Variants in MRPS35 observed in about 807,000 individuals in gnomAD.
MRPS35 encodes the protein small ribosomal subunit protein mS35.
A neutral mutation model predicts 32.7 loss-of-function variants in MRPS35; 29 were observed. That is an observed-to-expected ratio of 0.89 (90% CI 0.66 to 1.21). The LOEUF (loss-of-function observed/expected upper bound fraction) is 1.21, where lower values mean the gene tolerates loss of function less well. Ranked by LOEUF, MRPS35 falls within the 50% of genes most tolerant of loss-of-function variation. The pLI, the probability that MRPS35 is intolerant of heterozygous loss-of-function variation, is 0.00. For missense variants in MRPS35, 373 were observed against 383.8 expected (o/e 0.97, Z 0.23); for synonymous variants, 148 against 139.3 (o/e 1.06, Z -0.44).
chr12:27,731,614 G>A (rs1190028441), intron 5 of MRPS35, among the ~76,000 whole-genome samples: 1 of 152,034 alleles, frequency 6.6e-6, no homozygotes, highest in Non-Finnish European at 1.5e-5. Context: ...TGTTGCCCAG[G>A]CTGGAGTCCA....
intron 5 of MRPS35, among the ~76,000 whole-genome samples, chr12:27,725,901 G>T (rs1383833809): frequency 6.8e-6 from 1 of 147,666 alleles, no homozygotes; most frequent in Non-Finnish European, 1.5e-5. Context: ...TTCCATCCGG[G>T]CTCAAGTGAT....
chr12:27,726,887 C>T (rs189291742), intron 5 of MRPS35, among the ~76,000 whole-genome samples: 87 of 151,408 alleles, frequency 5.7e-4, no homozygotes, highest in African/African-American at 1.9e-3. Flanking sequence ...AGTCCCAGTC[C>T]CTTCTCAGAT....
At chr12:27,723,600 C>G (rs1436876728) in intron 4 of MRPS35, among the ~76,000 whole-genome samples, 1 of 151,156 alleles carries the variant, frequency 6.6e-6, no homozygotes, top group Non-Finnish European at 1.5e-5. Flanking sequence ...CTTCTTAGGG[C>G]TTTTTGAGAG....
At position 27,737,491 on chromosome 12, in the gene MRPS35, TGTACTGA is replaced by T. The variant is rs778142339; in HGVS notation, c.633-45_633-39del. ...ATTGCATATTTTGCAAATTTTTCTG[TGTACTGA>T]GTTTTTAGAATTTTGACTTCTCCCG... On this transcript the variant is annotated intron_variant, in intron 6 of 7. Transcript: ENST00000081029. The T allele has an allele frequency of 2.0e-6, 3 of 1,481,128 alleles. No homozygotes were observed. The East Asian group carries it at 6.8e-5, about 34-fold the overall frequency. 91.7% of individuals were successfully genotyped at this position (1,481,128 alleles called of 1,614,324 possible).
intron 3 of MRPS35, among the ~76,000 whole-genome samples, 199 bp downstream of exon 3, chr12:27,716,657 T>C (rs1392610510): frequency 6.6e-6 from 1 of 152,210 alleles, no homozygotes; most frequent in Non-Finnish European, 1.5e-5. Context: ...TGATTATCAA[T>C]GGTAAAGAAT....
rs2062020549 is a variant in MRPS35, at chr12:27,755,045, C to T, written c.703-136C>T. ...GCACAGACAAGGTGTTGGCCAGGGC[C>T]TCTCCACATTTTGCAAACTTCTCTT... is the stretch of plus-strand genomic sequence containing the variant. On this transcript the variant is annotated intron_variant, in intron 7 of 7. Transcript: ENST00000081029. 5 of 982,810 alleles carry T rather than the reference C, an allele frequency of 5.1e-6. No homozygotes were observed. In the East Asian group the frequency reaches 1.3e-4, roughly 26 times the overall value. 60.9% of individuals were successfully genotyped at this position (982,810 alleles called of 1,614,324 possible). A position where few individuals can be genotyped will look rare whatever the true frequency, so the allele number is the denominator to read the frequency against.
intron 5 of MRPS35, among the ~76,000 whole-genome samples, chr12:27,726,247 G>C (rs1183233810): frequency 1.3e-5 from 2 of 152,048 alleles, no homozygotes; most frequent in African/African-American, 4.8e-5. Context: ...ATGTGTTACA[G>C]AAATGGAACC....
intron 1 of MRPS35, among the ~76,000 whole-genome samples, chr12:27,713,633 A>C (rs957243960): frequency 6.6e-6 from 1 of 152,120 alleles, no homozygotes; most frequent in African/African-American, 2.4e-5. Flanking sequence ...CTGTGCCCTC[A>C]GCTGATTGGA....
intron 7 of MRPS35, 141 bp from the exon 8 acceptor site, chr12:27,755,040 A>C: frequency 1.1e-6 from 1 of 917,352 alleles, no homozygotes; most frequent in Non-Finnish European, 1.6e-6. Flanking sequence ...GGTGTTGGCC[A>C]GGGCCTCTCC....
chr12:27,752,133 GTC>G (rs1229988702), intron 7 of MRPS35, among the ~76,000 whole-genome samples: 4 of 152,082 alleles, frequency 2.6e-5, no homozygotes, highest in African/African-American at 9.6e-5. Context: ...CTTAGTCATA[GTC>G]CAGCTAATCA....
intron 4 of MRPS35, among the ~76,000 whole-genome samples, chr12:27,720,163 G>A (rs1235595971): frequency 2.0e-5 from 3 of 151,992 alleles, no homozygotes; most frequent in East Asian, 3.9e-4. Flanking sequence ...AGGCCGAGGC[G>A]GGCAGACCAC....
chr12:27,755,606 C>T lies in MRPS35; in HGVS notation c.*156C>T, dbSNP rs1173584619. On this transcript the variant is annotated 3_prime_UTR_variant, in exon 8 of 8. Coordinates refer to ENST00000081029, the MANE Select transcript of MRPS35 (RefSeq NM_021821.4). Reference sequence around the variant, plus strand: ...CTAATGCTTAATGGCAATGATTACTCCAGAGTTTTTTAATTTTTACACTGG... The same window carrying T: ...CTAATGCTTAATGGCAATGATTACTTCAGAGTTTTTTAATTTTTACACTGG... The T allele has an allele frequency of 6.5e-6, 4 of 616,284 alleles. No homozygotes were observed. Among genetic ancestry groups the T allele is most frequent in the Non-Finnish European group, 7.4e-6 (3 of 402,744 alleles). 38.2% of individuals were successfully genotyped at this position (616,284 alleles called of 1,614,324 possible). A position where few individuals can be genotyped will look rare whatever the true frequency, so the allele number is the denominator to read the frequency against.
chr12:27,716,064 G>A (rs1043292595), intron 2 of MRPS35, among the ~76,000 whole-genome samples: 1 of 152,104 alleles, frequency 6.6e-6, no homozygotes, highest in African/African-American at 2.4e-5. Context: ...ATATTAAAGG[G>A]GATCCTTGCC....
At chr12:27,715,549 G>A (rs547696524) in intron 2 of MRPS35, among the ~76,000 whole-genome samples, 1 of 152,222 alleles carries the variant, frequency 6.6e-6, no homozygotes, top group Non-Finnish European at 1.5e-5. Context: ...GATAAGGTCA[G>A]TTGGTGAGCA....
chr12:27,712,561 C>T lies in MRPS35; in HGVS notation c.112+1606C>T, dbSNP rs146833264. Among the ~76,000 whole-genome samples the T allele has an allele frequency of 9.5e-4, 145 of 152,052 alleles. 1 individual carries two copies. Among genetic ancestry groups the T allele is most frequent in the East Asian group, 4.8e-3 (25 of 5,180 alleles). On this transcript the variant is annotated intron_variant, in intron 1 of 7. Coordinates refer to ENST00000081029, the MANE Select transcript of MRPS35 (RefSeq NM_021821.4). ...GGAGAAGGAGGTGTGGTTGTATTTG[C>T]GATATATTTTGAAGGTAAAGTTCAT...
chr12:27,755,337 A>G lies in MRPS35; in HGVS notation c.859A>G (p.Lys287Glu). ...AAATAAAGAAGAGCTCCTTGGTACT[A>G]AAGAAATTGAAGAGTACAAAAAGTC... ...EINKEELLGT[K>E]EIEEYKKSVV... Residue 287 changes from lysine to glutamate, a missense_variant, in exon 8 of 8, where the codon AAA (lysine) becomes GAA (glutamate). Transcript: ENST00000081029. The G allele has an allele frequency of 6.2e-7, 1 of 1,610,572 alleles. No homozygotes were observed. Among genetic ancestry groups the G allele is most frequent in the East Asian group, 2.2e-5 (1 of 44,782 alleles).
chr12:27,715,504 AT>A (rs2061846266), intron 2 of MRPS35, among the ~76,000 whole-genome samples: 1 of 152,208 alleles, frequency 6.6e-6, no homozygotes, highest in African/African-American at 2.4e-5. Flanking sequence ...CCCTGTGGAC[AT>A]TTGGATTCCT....
intron 4 of MRPS35, among the ~76,000 whole-genome samples, chr12:27,721,338 A>G (rs1395692762): frequency 6.6e-6 from 1 of 152,146 alleles, no homozygotes; most frequent in Non-Finnish European, 1.5e-5. Context: ...TGTGCCTGGA[A>G]TTAGATTAAA....
At chr12:27,749,224 A>C (rs1282978002) in intron 7 of MRPS35, among the ~76,000 whole-genome samples, 1 of 152,102 alleles carries the variant, frequency 6.6e-6, no homozygotes, top group Non-Finnish European at 1.5e-5. Flanking sequence ...CTATATCAGA[A>C]TTCAATTCTG....
Sources: allele counts gnomAD v4.1 joint callset (sites outside exome capture counted in the v4.1 genomes callset), GRCh38; gene constraint gnomAD v4.1.1; transcripts MANE v1.5; gene names NCBI Gene and HGNC (gene_info 2026-07-23, HGNC 2026-07-21).